Variants in KRT6B observed in about 807,000 individuals in gnomAD.
KRT6B encodes the protein keratin, type II cytoskeletal 6B.
A neutral mutation model predicts 44.7 loss-of-function variants in KRT6B; 29 were observed. The ratio of observed to expected loss-of-function variants is 0.65; its 90% CI spans 0.48 to 0.88. The LOEUF (loss-of-function observed/expected upper bound fraction) is 0.88, where lower values mean the gene tolerates loss of function less well. KRT6B is among the 40% of genes least tolerant of loss of function. KRT6B has a pLI of 0.00. For missense variants in KRT6B, 600 were observed against 724.0 expected (o/e 0.83, Z 1.97); for synonymous variants, 213 against 296.0 (o/e 0.72, Z 2.88).
intron 3 of KRT6B, 31 bp downstream of exon 3, chr12:52,449,981 T>C (rs1391790420): frequency 9.4e-5 from 152 of 1,613,800 alleles, no homozygotes; most frequent in Non-Finnish European, 1.3e-4. Context: ...TCCTTCTAAA[T>C]GAATTTGAAC....
intron 6 of KRT6B, 151 bp downstream of exon 6, chr12:52,448,691 A>T: frequency 7.7e-7 from 1 of 1,293,966 alleles, no homozygotes; most frequent in Non-Finnish European, 1.1e-6. Context: ...TCTCTGAGCC[A>T]GAGTGTTCTC....
In KRT6B at chr12:52,450,474, C is replaced by T. The variant is rs71453292; in HGVS notation, c.687G>A (p.Val229=). 1.9e-5 allele frequency: 31 copies of T among 1,614,060 alleles called. No homozygotes were observed. In the South Asian group the frequency reaches 3.1e-4, roughly 16 times the overall value. ...CCGAGTCCAGACGACCCCGTTCCCC[C>T]ACGATGTTGTCCAGCTGCCTCCTGA... ...NNLRRQLDNI[V]GERGRLDSEL... The change falls in exon 2 of 9, where the codon GTG becomes GTA. Residue 229 remains valine, a synonymous_variant. Transcript: ENST00000252252.
chr12:52,449,362 G>C (rs1940361036), intron 5 of KRT6B, 107 bp downstream of exon 5: 9 of 1,521,470 alleles, frequency 5.9e-6, no homozygotes, highest in African/African-American at 1.4e-5. Context: ...TGTCCTGTGA[G>C]AGGACCCCAG....
intron 4 of KRT6B, 37 bp from the exon 5 acceptor site, chr12:52,449,670 T>G (rs770207095): frequency 1.2e-6 from 2 of 1,614,200 alleles, no homozygotes; most frequent in Non-Finnish European, 1.7e-6. Context: ...ACTTCACTTC[T>G]GACATTTACA....
chr12:52,451,344 G>A (rs1248890072), intron 1 of KRT6B, among the ~76,000 whole-genome samples, 195 bp downstream of exon 1: 5 of 147,086 alleles, frequency 3.4e-5, no homozygotes, highest in Non-Finnish European at 7.5e-5. Flanking sequence ...CAGGAGTGAG[G>A]GCCACTCCAG....
In KRT6B at chr12:52,446,666, T is replaced by C. The variant is rs921630217; in HGVS notation, c.*524A>G. On this transcript the variant is annotated 3_prime_UTR_variant, in exon 9 of 9. Transcript: ENST00000252252. ...ACACAACATGTTCACATTCTCAATATGCTTTATTCAACAGAACAAAAGAAG... is the reference window on the plus strand; with the variant it reads ...ACACAACATGTTCACATTCTCAATACGCTTTATTCAACAGAACAAAAGAAG... 12 of 167,582 alleles carry C rather than the reference T, an allele frequency of 7.2e-5. No individual in the cohort carries two copies. The highest frequency in any genetic ancestry group is 6.0e-4 in the Admixed American group (11 of 18,360). 10.4% of individuals were successfully genotyped at this position (167,582 alleles called of 1,614,324 possible). A position where few individuals can be genotyped will look rare whatever the true frequency, so the allele number is the denominator to read the frequency against.
At position 52,449,328 on chromosome 12, in the gene KRT6B, T is replaced by C. The variant is rs149295470; in HGVS notation, c.1077+141A>G. The C allele has an allele frequency of 3.8e-3, 5,106 of 1,342,892 alleles. 61 individuals carry two copies. The highest frequency in any genetic ancestry group is 0.029 in the African/African-American group (2,030 of 69,836). The allele number at this position is 1,342,892 out of a possible 1,614,324, so 83.2% of individuals were successfully genotyped here. On this transcript the variant is annotated intron_variant, in intron 5 of 8. Coordinates refer to ENST00000252252, the MANE Select transcript of KRT6B (RefSeq NM_005555.4). ...GACTTGGGCATAAGTTCCGCAAATG[T>C]CTACTCTAATAGTGCAGAGTGCATG...
In KRT6B at chr12:52,447,304, A is replaced by G. The variant is rs750303987; in HGVS notation, c.1581T>C (p.Phe527=). 4.3e-6 allele frequency: 7 copies of G among 1,614,008 alleles called. No homozygotes were observed. Among genetic ancestry groups the G allele is most frequent in the Non-Finnish European group, 5.9e-6 (7 of 1,179,862 alleles). Residue 527 remains phenylalanine (F), a synonymous_variant, in exon 9 of 9, where the codon TTT becomes TTC. Coordinates refer to ENST00000252252, the MANE Select transcript of KRT6B (RefSeq NM_005555.4). The part of the protein sequence containing the change: ...YGSGLGVGGG[F]SSSSGRATGG... ...CAGTGGCTCTGCCGCTGCTGGAACTAAAGCCGCCTCCAACGCCAAGACCAC... is the reference window on the plus strand; with the variant it reads ...CAGTGGCTCTGCCGCTGCTGGAACTGAAGCCGCCTCCAACGCCAAGACCAC...
In KRT6B at chr12:52,451,564, T is replaced by C. The variant is rs1297841963; in HGVS notation, c.515A>G (p.Asn172Ser). The C allele has an allele frequency of 1.2e-6, 2 of 1,613,376 alleles. No homozygotes were observed. Among genetic ancestry groups the C allele is most frequent in the South Asian group, 2.2e-5 (2 of 91,044 alleles). ...EEREQIKTLN[N>S]KFASFIDKVR... is the part of the protein sequence containing the mutation. Reference sequence around the variant, plus strand: ...CTTGTCGATGAAGGAGGCAAACTTGTTGTTGAGGGTCTTGATCTGCTCACG... The same window carrying C: ...CTTGTCGATGAAGGAGGCAAACTTGCTGTTGAGGGTCTTGATCTGCTCACG... The change falls in exon 1 of 9, where the codon AAC becomes AGC. Residue 172 changes from asparagine (N) to serine (S), a missense_variant. Physicochemically the swap from Asn to Ser is conservative, Grantham distance 46. This residue lies in a region of KRT6B where 31 missense variants were observed against 79.0 expected (regional missense o/e 0.39). Transcript: ENST00000252252.
At chr12:52,447,726 A>G (rs1193674928) in intron 7 of KRT6B, 52 bp downstream of exon 7, 2 of 1,614,074 alleles carry the variant, frequency 1.2e-6, no homozygotes, top group East Asian at 4.5e-5. Context: ...GCTCAGTGCC[A>G]GAACCTTGAA....
rs200240023 is a variant in KRT6B at position 52,452,056 on chromosome 12, A to G, written c.23T>C (p.Ile8Thr). The G allele has an allele frequency of 1.9e-6, 3 of 1,613,924 alleles. No homozygotes were observed. The highest frequency in any genetic ancestry group is 2.5e-6 in the Non-Finnish European group (3 of 1,180,012). Residue 8 changes from isoleucine to threonine, a missense_variant, in exon 1 of 9, where the codon ATC (isoleucine) becomes ACC (threonine). Coordinates refer to ENST00000252252, the MANE Select transcript of KRT6B (RefSeq NM_005555.4). ...CCGGCGGCTGCTGCTGTGGCTCCTG[A>G]TGGTGGTGGATGTGCTGGCCATGGT... MASTSTT[I>T]RSHSSSRRGF...
At position 52,449,543 on chromosome 12, in the gene KRT6B, C is replaced by A. The variant is rs369853484; in HGVS notation, c.1003G>T (p.Ala335Ser). The A allele has an allele frequency of 6.2e-7, 1 of 1,614,194 alleles. No homozygotes were observed. Among genetic ancestry groups the A allele is most frequent in the Admixed American group, 1.7e-5 (1 of 60,024 alleles). ...TCCTCATATTGGGCCTTGACCTCAG[C>A]GATGATGCTGTCCAGGTCCAGGTTG... ...NRNLDLDSII[A>S]EVKAQYEEIA... The change falls in exon 5 of 9, where the codon GCT (alanine) becomes TCT (serine). Residue 335 changes from alanine to serine, a missense_variant. This residue lies in a region of KRT6B where 479 missense variants were observed against 454.2 expected (regional missense o/e 1.05). Coordinates refer to ENST00000252252, the MANE Select transcript of KRT6B (RefSeq NM_005555.4).
At position 52,447,063 on chromosome 12, in the gene KRT6B, G is replaced by T. The variant is rs940086820; in HGVS notation, c.*127C>A. The T allele has an allele frequency of 3.4e-6, 4 of 1,182,696 alleles. No individual in the cohort carries two copies. The highest frequency in any genetic ancestry group is 1.5e-5 in the South Asian group (1 of 66,866). 73.3% of individuals were successfully genotyped at this position (1,182,696 alleles called of 1,614,324 possible). A position where few individuals can be genotyped will look rare whatever the true frequency, so the allele number is the denominator to read the frequency against. On this transcript the variant is annotated 3_prime_UTR_variant, in exon 9 of 9. Transcript: ENST00000252252. ...GGTATTGATGAGAAGAAAAGTGAGG[G>T]CATCCCAGCTCTACCCGGGAGGGCA... is the stretch of plus-strand genomic sequence containing the variant.
chr12:52,447,492 T>C, intron 8 of KRT6B, 47 bp downstream of exon 8: 4 of 1,613,840 alleles, frequency 2.5e-6, no homozygotes, highest in Non-Finnish European at 2.5e-6. Flanking sequence ...CTGAGCCCAG[T>C]CAGGAGAGTG....
At chr12:52,449,036 G>A in intron 5 of KRT6B, 69 bp from the exon 6 acceptor site, 1 of 1,555,834 alleles carries the variant, frequency 6.4e-7, no homozygotes, top group Non-Finnish European at 8.8e-7. Context: ...ACTTTCACTT[G>A]TGTATCATGA....
chr12:52,450,139 G>T, intron 2 of KRT6B, 67 bp from the exon 3 acceptor site: 1 of 1,613,322 alleles, frequency 6.2e-7, no homozygotes, highest in Non-Finnish European at 8.5e-7. Flanking sequence ...AGCAGCTTGG[G>T]ATTCAACATT....
At chr12:52,448,100 A>G in intron 6 of KRT6B, 102 bp from the exon 7 acceptor site, 2 of 1,446,506 alleles carry the variant, frequency 1.4e-6, no homozygotes, top group Non-Finnish European at 9.6e-7. Flanking sequence ...GGAACCCAGA[A>G]CTGATGGTAA....
chr12:52,449,380 T>C (rs556589325), intron 5 of KRT6B, 89 bp downstream of exon 5: 4 of 1,580,402 alleles, frequency 2.5e-6, no homozygotes, highest in African/African-American at 1.3e-5. Flanking sequence ...CAGCTTCCTG[T>C]CAGGGGATGT....
chr12:52,451,566 G>A lies in KRT6B; in HGVS notation c.513C>T (p.Asn171=), dbSNP rs767019100. The A allele has an allele frequency of 1.1e-5, 18 of 1,613,482 alleles. No homozygotes were observed. The highest frequency in any genetic ancestry group is 1.1e-5 in the South Asian group (1 of 91,072). ...TGTCGATGAAGGAGGCAAACTTGTT[G>A]TTGAGGGTCTTGATCTGCTCACGCT... ...AEEREQIKTL[N]NKFASFIDKV... is the part of the protein sequence containing the mutation. Residue 171 remains asparagine (N), a synonymous_variant, in exon 1 of 9, where the codon AAC becomes AAT. Coordinates refer to ENST00000252252, the MANE Select transcript of KRT6B (RefSeq NM_005555.4).
Sources: allele counts gnomAD v4.1 joint callset (sites outside exome capture counted in the v4.1 genomes callset), GRCh38; gene constraint gnomAD v4.1.1; regional missense constraint gnomAD v4.1.1; transcripts MANE v1.5; gene names NCBI Gene and HGNC (gene_info 2026-07-23, HGNC 2026-07-21).